CDH2: variants seen among roughly 807,000 people sequenced by gnomAD.
The protein encoded by CDH2 is cadherin-2.
CDH2 carries 17 observed loss-of-function variants against 92.0 expected under a neutral mutation model. That is an observed-to-expected ratio of 0.18 (90% CI 0.13 to 0.28). The LOEUF (loss-of-function observed/expected upper bound fraction) is 0.28, where lower values mean the gene tolerates loss of function less well. Among genes scored for constraint, CDH2 ranks in the 10% least tolerant of loss-of-function variants. The pLI, the probability that CDH2 is intolerant of heterozygous loss-of-function variation, is 1.00. For missense variants in CDH2, 862 were observed against 1,133.1 expected, an observed-to-expected ratio of 0.76 and a Z score of 3.44; for synonymous variants, 419 against 415.9, an observed-to-expected ratio of 1.01 and a Z score of -0.09.
intron 2 of CDH2, among the ~76,000 whole-genome samples, chr18:28,145,399 A>G (rs1239523102): frequency 6.6e-6 from 1 of 152,146 alleles, no homozygotes; most frequent in East Asian, 1.9e-4. Context: ...AAATCATAGC[A>G]AAAGTCATCA....
At chr18:28,139,296 T>C (rs969315399) in intron 2 of CDH2, among the ~76,000 whole-genome samples, 1 of 151,984 alleles carries the variant, frequency 6.6e-6, no homozygotes, top group African/African-American at 2.4e-5. Flanking sequence ...CATCACTTTT[T>C]CCCTCCCCAC....
Position 28,177,049 on chromosome 18 carries a change from G to C in CDH2, c.-27C>G. 6.8e-7 allele frequency: 1 copy of C among 1,477,838 alleles called. No homozygotes were observed. Among genetic ancestry groups the C allele is most frequent in the Non-Finnish European group, 9.0e-7 (1 of 1,115,854 alleles). The allele number at this position is 1,477,838 out of a possible 1,614,324, so 91.5% of individuals were successfully genotyped here. On this transcript the variant is annotated 5_prime_UTR_variant, in exon 1 of 16. Coordinates refer to ENST00000269141, the MANE Select transcript of CDH2 (RefSeq NM_001792.5). ...GAGGCGGAGAGGGGCCGAGCGAAGA[G>C]CCGGAGGAGGCGGCGGCGGCGGCGG...
chr18:28,147,887 G>A lies in CDH2; in HGVS notation c.61-103C>T. On this transcript the variant is annotated intron_variant, in intron 1 of 15. Coordinates refer to ENST00000269141, the MANE Select transcript of CDH2 (RefSeq NM_001792.5). ...AAAGCCTCATTTTTTCAACTATCTT[G>A]TACAAACAACCCCTTTGTTTCCAAG... 2 of 656,140 alleles carry A rather than the reference G, an allele frequency of 3.0e-6. 1 individual carries two copies. The highest frequency in any genetic ancestry group is 3.8e-5 in the South Asian group (2 of 52,576). The allele number at this position is 656,140 out of a possible 1,614,324, so 40.6% of individuals were successfully genotyped here.
intron 2 of CDH2, among the ~76,000 whole-genome samples, chr18:28,049,417 A>G (rs1203114788): frequency 6.6e-6 from 1 of 152,200 alleles, no homozygotes; most frequent in Non-Finnish European, 1.5e-5. Flanking sequence ...AAACTTTCAC[A>G]CAGAGACGAA....
chr18:28,147,860 A>G (rs1193438226), intron 1 of CDH2, 76 bp from the exon 2 acceptor site: 2 of 804,918 alleles, frequency 2.5e-6, no homozygotes, highest in East Asian at 4.9e-5. Context: ...TCCACTTGGC[A>G]TAAAGCCTCA....
chr18:28,038,227 A>C (rs2144100202), intron 2 of CDH2, among the ~76,000 whole-genome samples: 1 of 152,260 alleles, frequency 6.6e-6, no homozygotes, highest in East Asian at 1.9e-4. Flanking sequence ...GTTCGAGACC[A>C]GCCTGGGCAA....
chr18:28,047,228 T>A (rs190601443), intron 2 of CDH2, among the ~76,000 whole-genome samples: 33 of 152,316 alleles, frequency 2.2e-4, no homozygotes, highest in Non-Finnish European at 5.9e-5. Context: ...AGAAGCTTGC[T>A]AGAAGCCAAA....
At chr18:28,134,295 C>T (rs2053971956) in intron 2 of CDH2, among the ~76,000 whole-genome samples, 1 of 152,074 alleles carries the variant, frequency 6.6e-6, no homozygotes, top group Non-Finnish European at 1.5e-5. Context: ...AAATAGAAGA[C>T]ATTCGTGGCT....
rs536068359 is a variant in CDH2 at position 28,150,299 on chromosome 18, G to C, written c.61-2515C>G. 1.6e-3 allele frequency among the ~76,000 whole-genome samples: 242 copies of C among 152,270 alleles called. 2 individuals carry two copies. Among genetic ancestry groups the C allele is most frequent in the African/African-American group, 5.5e-3 (229 of 41,550 alleles). ...GCAGACGGGGGTCACGTTTCAAATG[G>C]GGGCGTTCAGGGTAGTAGAGTATGC... On this transcript the variant is annotated intron_variant, in intron 1 of 15. Coordinates refer to ENST00000269141, the MANE Select transcript of CDH2 (RefSeq NM_001792.5).
downstream of CDH2, among the ~76,000 whole-genome samples, chr18:27,948,329 A>C (rs1363105957): frequency 6.6e-6 from 1 of 151,936 alleles, no homozygotes; most frequent in Admixed American, 6.6e-5. Flanking sequence ...AGTGTTTGGA[A>C]AACAGACCTT....
At chr18:27,941,816 CT>C (rs1422348848) in intron 6 of CDH2, among the ~76,000 whole-genome samples, 8 of 152,186 alleles carry the variant, frequency 5.3e-5, no homozygotes, top group African/African-American at 1.9e-4. Flanking sequence ...AGTTTGATCT[CT>C]TTAGGATCTA....
chr18:28,060,178 C>A (rs932202423), intron 2 of CDH2, among the ~76,000 whole-genome samples: 1 of 143,788 alleles, frequency 7.0e-6, no homozygotes, highest in African/African-American at 2.5e-5. Flanking sequence ...TCCTCCTTTA[C>A]TTATCATCAT....
At chr18:28,160,752 GGGA>G (rs1705967517) in intron 1 of CDH2, among the ~76,000 whole-genome samples, 1 of 152,174 alleles carries the variant, frequency 6.6e-6, no homozygotes, top group Admixed American at 6.5e-5. Flanking sequence ...GGGAGACGAA[GGGA>G]AAGTCTCAAA....
intron 1 of CDH2, among the ~76,000 whole-genome samples, chr18:28,171,398 T>A (rs1203855274): frequency 2.0e-5 from 3 of 152,022 alleles, no homozygotes; most frequent in Non-Finnish European, 4.4e-5. Flanking sequence ...TAAAAAAAAT[T>A]TTCTCAGTAA....
chr18:28,037,738 AT>A (rs1237643975), intron 2 of CDH2, among the ~76,000 whole-genome samples: 1 of 152,194 alleles, frequency 6.6e-6, no homozygotes, highest in Non-Finnish European at 1.5e-5. Context: ...AGTGTCAAAC[AT>A]TTTTGAGAGG....
intron 2 of CDH2, among the ~76,000 whole-genome samples, chr18:28,036,270 A>G (rs545554154): frequency 1.3e-4 from 19 of 151,920 alleles, no homozygotes; most frequent in African/African-American, 4.3e-4. Flanking sequence ...TCACCATCCC[A>G]CCCCCATAAA....
intron 14 of CDH2, among the ~76,000 whole-genome samples, chr18:27,973,462 T>C (rs17445714): frequency 0.061 from 9,291 of 152,200 alleles, 292 homozygotes; most frequent in African/African-American, 0.085. Flanking sequence ...CTTTCCCTTG[T>C]TTTTGGTGAA....
At chr18:28,095,821 A>AAAAAG (rs1455329292) in intron 2 of CDH2, among the ~76,000 whole-genome samples, 1 of 151,444 alleles carries the variant, frequency 6.6e-6, no homozygotes, top group Non-Finnish European at 1.5e-5. Flanking sequence ...AAAAAAAAAA[A>AAAAAG]AAAAGAAAGA....
At chr18:28,020,018 T>C (rs1353422868) in intron 2 of CDH2, among the ~76,000 whole-genome samples, 1 of 152,166 alleles carries the variant, frequency 6.6e-6, no homozygotes, top group Non-Finnish European at 1.5e-5. Context: ...TCATATTTTA[T>C]TATTTGCAAG....
Sources: gnomAD v4.1 joint callset for allele counts (sites outside exome capture counted in the v4.1 genomes callset) on GRCh38, gnomAD v4.1.1 for gene constraint, MANE v1.5 for transcripts, NCBI Gene and HGNC (gene_info 2026-07-23, HGNC 2026-07-21) for gene names.